The following P4HA3 variants were observed in gnomAD, a reference collection of about 807,000 sequenced individuals.
P4HA3 encodes prolyl 4-hydroxylase subunit alpha 3, also known as prolyl 4-hydroxylase subunit alpha-3.
Under a neutral mutation model 66.7 loss-of-function variants are expected in P4HA3, and 60 were observed. The ratio of observed to expected loss-of-function variants is 0.90; its 90% CI spans 0.73 to 1.12. The LOEUF (loss-of-function observed/expected upper bound fraction) is 1.12, where lower values mean the gene tolerates loss of function less well. Ranked by LOEUF, P4HA3 falls within the 50% of genes most tolerant of loss-of-function variation. The pLI is 0.00. For missense variants in P4HA3, 683 were observed against 685.8 expected, an observed-to-expected ratio of 1.00 and a Z score of 0.05; for synonymous variants, 263 against 274.6, an observed-to-expected ratio of 0.96 and a Z score of 0.42.
rs192659600 is a variant in P4HA3 at position 74,256,895 on chromosome 11, C to T, written c.*1318+3028G>A. Among the ~76,000 whole-genome samples, 18 of 152,250 alleles carry T rather than the reference C, an allele frequency of 1.2e-4. No homozygotes were observed. The South Asian group carries it at 1.5e-3, about 12-fold the overall frequency. ...AATGGGGCATGACTTCATAGCCCCA[C>T]GCTCTTAACATACTGTTAGGAGCAT... On this transcript the variant is annotated intron_variant and NMD_transcript_variant, in intron 15 of 15. Coordinates refer to the P4HA3 transcript ENST00000524388.
rs1418947449 is a variant in P4HA3, at chr11:74,286,141, A to T, written c.933+87T>A. 3.3e-6 allele frequency: 5 copies of T among 1,512,818 alleles called. No individual in the cohort carries two copies. In the African/African-American group the frequency reaches 7.0e-5, roughly 21 times the overall value. 93.7% of individuals were successfully genotyped at this position (1,512,818 alleles called of 1,614,324 possible). A position where few individuals can be genotyped will look rare whatever the true frequency, so the allele number is the denominator to read the frequency against. ...TGAGCTTTATTGTTTTTAATGCATC[A>T]GCTCTATCCCCTCATGTTATCCCAA... On this transcript the variant is annotated intron_variant, in intron 6 of 12. Coordinates refer to ENST00000331597, the MANE Select transcript of P4HA3 (RefSeq NM_182904.5).
At chr11:74,283,382 G>A (rs888555528) in intron 7 of P4HA3, among the ~76,000 whole-genome samples, 3 of 152,108 alleles carry the variant, frequency 2.0e-5, no homozygotes, top group Admixed American at 1.3e-4. Flanking sequence ...TTCACCAGTG[G>A]GGCTTAATTA....
intron 15 of P4HA3, chr11:74,251,171 C>G: frequency 1.4e-6 from 2 of 1,465,562 alleles, no homozygotes; most frequent in Non-Finnish European, 1.8e-6. Flanking sequence ...CAACTTCTCC[C>G]TGGCAGCTGC....
chr11:74,261,089 C>T (rs1859899899), intron 14 of P4HA3, among the ~76,000 whole-genome samples: 2 of 152,182 alleles, frequency 1.3e-5, no homozygotes, highest in South Asian at 4.2e-4. Context: ...GAGCTCTTGC[C>T]CCATGTCCAA....
At chr11:74,259,309 G>A (rs1472278324) in intron 15 of P4HA3, among the ~76,000 whole-genome samples, 2 of 152,162 alleles carry the variant, frequency 1.3e-5, no homozygotes, top group East Asian at 1.9e-4. Context: ...AACCCAGGAG[G>A]CAAAGGTTGC....
chr11:74,259,424 G>T (rs1450302990), intron 15 of P4HA3, among the ~76,000 whole-genome samples: 1 of 151,986 alleles, frequency 6.6e-6, no homozygotes, highest in African/African-American at 2.4e-5. Context: ...TTTTAACCAG[G>T]ATTTTTTAAA....
At chr11:74,259,601 C>A (rs1375712020) in intron 15 of P4HA3, among the ~76,000 whole-genome samples, 1 of 152,186 alleles carries the variant, frequency 6.6e-6, no homozygotes, top group Non-Finnish European at 1.5e-5. Context: ...GCAATAACTC[C>A]TGCCTGCGTC....
At chr11:74,269,523 G>T in intron 11 of P4HA3, 129 bp downstream of exon 11, 1 of 863,776 alleles carries the variant, frequency 1.2e-6, no homozygotes, top group East Asian at 2.7e-5. Context: ...CTGTGATTCT[G>T]GGAATTGGGG....
At chr11:74,284,374 A>G (rs1860709801) in intron 7 of P4HA3, among the ~76,000 whole-genome samples, 1 of 152,196 alleles carries the variant, frequency 6.6e-6, no homozygotes, top group African/African-American at 2.4e-5. Context: ...ACTTCCATGC[A>G]GAAGCTTTAT....
chr11:74,260,599 C>A (rs1859892185), intron 14 of P4HA3, among the ~76,000 whole-genome samples: 1 of 152,146 alleles, frequency 6.6e-6, no homozygotes, highest in African/African-American at 2.4e-5. Flanking sequence ...TAGACAAAAT[C>A]TTTTCTCCTA....
At chr11:74,304,450 C>A (rs757594331) in intron 1 of P4HA3, 38 bp from the exon 2 acceptor site, 41 of 1,609,122 alleles carry the variant, frequency 2.5e-5, no homozygotes, top group Non-Finnish European at 3.4e-5. Flanking sequence ...CCTCCTGATA[C>A]AACCACTACA....
intron 9 of P4HA3, among the ~76,000 whole-genome samples, chr11:74,275,360 G>A (rs1159461072): frequency 6.6e-6 from 1 of 152,170 alleles, no homozygotes; most frequent in Non-Finnish European, 1.5e-5. Context: ...TATGGTGTAA[G>A]GTAAGGGTGT....
In P4HA3 at chr11:74,311,566, GCGCCAGCAC is replaced by G; in HGVS notation, c.37_45del (p.Val13_Ala15del). 10 of 1,535,616 alleles carry G rather than the reference GCGCCAGCAC, an allele frequency of 6.5e-6. No individual in the cohort carries two copies. The highest frequency in any genetic ancestry group is 2.4e-5 in the South Asian group (2 of 83,372). Reference sequence around the variant, plus strand: ...GCCCTTTCTGGGTCTCCTGTCCCGAGCGCCAGCACCGCCAGCAGCGCCGCCAGCCGCGCC... The same window carrying G: ...GCCCTTTCTGGGTCTCCTGTCCCGAGCGCCAGCAGCGCCGCCAGCCGCGCC... On this transcript the variant is annotated inframe_deletion, in exon 1 of 13. Transcript: ENST00000331597.
chr11:74,269,775 T>C, intron 10 of P4HA3, 55 bp from the exon 11 acceptor site: 5 of 1,503,624 alleles, frequency 3.3e-6, no homozygotes, highest in Non-Finnish European at 4.6e-6. Context: ...TTCCCTACCC[T>C]GTCATATGAT....
intron 5 of P4HA3, chr11:74,287,436 C>A: frequency 2.3e-6 from 2 of 878,420 alleles, no homozygotes; most frequent in South Asian, 1.5e-5. Context: ...TCTCAACTTG[C>A]CATGTTCTAT....
intron 7 of P4HA3, among the ~76,000 whole-genome samples, chr11:74,281,066 C>T (rs866354544): frequency 4.6e-5 from 7 of 152,024 alleles, no homozygotes; most frequent in Non-Finnish European, 7.4e-5. Context: ...GGGCGAAGGA[C>T]ATGAACAGAC....
chr11:74,250,461 A>G (rs1424417312), intron 15 of P4HA3: 1 of 154,202 alleles, frequency 6.5e-6, no homozygotes, highest in Non-Finnish European at 1.4e-5. Context: ...GCCCCTGCTT[A>G]CCTCTCCAGC....
intron 15 of P4HA3, chr11:74,250,154 A>G (rs933581125): frequency 1.3e-5 from 2 of 152,206 alleles, no homozygotes; most frequent in African/African-American, 4.8e-5. Flanking sequence ...AGAACTTTCA[A>G]GCCCATTCCT....
At chr11:74,294,724 T>TGCCTGGGTATCAGCAGCAGTGGCTGCA (rs1861155933) in intron 4 of P4HA3, among the ~76,000 whole-genome samples, 1 of 152,238 alleles carries the variant, frequency 6.6e-6, no homozygotes, top group Non-Finnish European at 1.5e-5. Flanking sequence ...AGACCCTGTT[T>TGCCTGGGTATCAGCAGCAGTGGCTGCA]GCCTGGGTAT....
Sources: gnomAD v4.1 joint callset for allele counts (sites outside exome capture counted in the v4.1 genomes callset) on GRCh38, gnomAD v4.1.1 for gene constraint, MANE v1.5 for transcripts, NCBI Gene and HGNC (gene_info 2026-07-23, HGNC 2026-07-21) for gene names.